PCDHA9: variants seen among roughly 807,000 people sequenced by gnomAD.
PCDHA9 encodes protocadherin alpha 9, also known as protocadherin alpha-9.
PCDHA9 carries 62 observed loss-of-function variants against 62.0 expected under a neutral mutation model. The observed-to-expected ratio is 1.00, with a 90% CI of 0.81 to 1.23. The LOEUF (loss-of-function observed/expected upper bound fraction) is 1.23, where lower values mean the gene tolerates loss of function less well. PCDHA9 is among the 50% of genes most tolerant of loss of function. PCDHA9 has a pLI of 0.00. For missense variants in PCDHA9, 1,205 were observed against 1,249.8 expected (o/e 0.96, Z 0.54); for synonymous variants, 557 against 567.6 (o/e 0.98, Z 0.27).
intron 3 of PCDHA9, among the ~76,000 whole-genome samples, chr5:141,000,006 C>T (rs1453937377): frequency 1.3e-5 from 2 of 151,992 alleles, no homozygotes; most frequent in Admixed American, 1.3e-4. Context: ...TTAGATTGGC[C>T]TCCCCATTGC....
intron 1 of PCDHA9, among the ~76,000 whole-genome samples, chr5:140,963,398 G>C (rs1465736344): frequency 6.6e-6 from 1 of 152,220 alleles, no homozygotes; most frequent in Admixed American, 6.5e-5. Flanking sequence ...CTCCCTACTG[G>C]ATGCTGTAGA....
intron 1 of PCDHA9, among the ~76,000 whole-genome samples, chr5:140,961,952 C>T (rs2095645754): frequency 6.6e-6 from 1 of 151,264 alleles, no homozygotes; most frequent in South Asian, 2.1e-4. Flanking sequence ...GGCATGATCT[C>T]GGCTCACTGC....
intron 1 of PCDHA9, among the ~76,000 whole-genome samples, chr5:140,890,662 C>T (rs75284753): frequency 0.011 from 1,622 of 152,252 alleles, 17 homozygotes; most frequent in African/African-American, 0.028. Flanking sequence ...CAAAAGTTAA[C>T]TGAAACCCTT....
At chr5:140,871,151 C>A in intron 1 of PCDHA9, 1 of 1,613,328 alleles carries the variant, frequency 6.2e-7, no homozygotes, top group Non-Finnish European at 8.5e-7. Flanking sequence ...CGGACTTTGG[C>A]GGGCGCCGCG....
rs2096268798 is a variant in PCDHA9 at position 140,968,765 on chromosome 5, G to A, written c.2395-10184G>A. 8.1e-6 allele frequency: 13 copies of A among 1,614,078 alleles called. No homozygotes were observed. The East Asian group carries it at 2.2e-4, about 28-fold the overall frequency. On this transcript the variant is annotated intron_variant, in intron 1 of 3. Transcript: ENST00000532602. Reference sequence around the variant, plus strand: ...GACCGTGGTGGTCCGAGATAATGGAGAGCCATCACTATCAGCCTCTGTGGC... The same window carrying A: ...GACCGTGGTGGTCCGAGATAATGGAAAGCCATCACTATCAGCCTCTGTGGC...
At chr5:140,870,654 C>A in intron 1 of PCDHA9, 2 of 1,612,562 alleles carry the variant, frequency 1.2e-6, no homozygotes, top group Non-Finnish European at 1.7e-6. Flanking sequence ...GCAAGGTGTA[C>A]GCGCTGCAGC....
At chr5:140,914,439 T>A (rs1352001626) in intron 1 of PCDHA9, among the ~76,000 whole-genome samples, 2 of 152,310 alleles carry the variant, frequency 1.3e-5, no homozygotes, top group South Asian at 2.1e-4. Context: ...TCTTTTCCCA[T>A]GTCTTTATTT....
In PCDHA9 at chr5:140,998,286, A is replaced by G. The variant is rs913397915; in HGVS notation, c.2543-11341A>G. Among the ~76,000 whole-genome samples, 51 of 152,230 alleles carry G rather than the reference A, an allele frequency of 3.4e-4. 1 individual carries two copies. Among genetic ancestry groups the G allele is most frequent in the Non-Finnish European group, 1.5e-5 (1 of 68,044 alleles). On this transcript the variant is annotated intron_variant, in intron 3 of 3. Coordinates refer to ENST00000532602, the MANE Select transcript of PCDHA9 (RefSeq NM_031857.2). ...AAACTGACACCCATAGGATTAAATC[A>G]GATCACACATTTAGTAAGGGCACCA...
At chr5:140,875,772 G>A (rs781933974) in intron 1 of PCDHA9, 37 of 1,614,136 alleles carry the variant, frequency 2.3e-5, no homozygotes, top group South Asian at 3.3e-5. Flanking sequence ...GGCGGAGCGC[G>A]GAGTGCAGTA....
At chr5:140,866,372 A>G (rs1260781135) in intron 1 of PCDHA9, 2 of 152,168 alleles carry the variant, frequency 1.3e-5, no homozygotes, top group Non-Finnish European at 2.9e-5. Flanking sequence ...GCATACTTCA[A>G]TAACAATTTT....
chr5:140,863,936 G>A (rs1554158535), intron 1 of PCDHA9: 2 of 160,752 alleles, frequency 1.2e-5, no homozygotes, highest in African/African-American at 4.8e-5. Context: ...AGGAGGCAGA[G>A]GTTGCGGTGA....
At chr5:140,977,955 C>T (rs1280190913) in intron 1 of PCDHA9, among the ~76,000 whole-genome samples, 1 of 152,170 alleles carries the variant, frequency 6.6e-6, no homozygotes, top group African/African-American at 2.4e-5. Context: ...GACAGGGCCA[C>T]CTCAATCTCC....
In PCDHA9 at chr5:140,992,017, CTGTGTG is replaced by C. The variant is rs10602499; in HGVS notation, c.2542+9486_2542+9491del. On this transcript the variant is annotated intron_variant, in intron 3 of 3. Coordinates refer to ENST00000532602, the MANE Select transcript of PCDHA9 (RefSeq NM_031857.2). ...CTTTCATGTTCAGGCAGAGGTGGCT[CTGTGTG>C]TGTGTGTGTGTGTGTGTGTGTGTGT... 2.1e-3 allele frequency among the ~76,000 whole-genome samples: 300 copies of C among 145,496 alleles called. 2 individuals carry two copies. The highest frequency in any genetic ancestry group is 4.8e-3 in the African/African-American group (189 of 39,270).
At chr5:140,884,230 CG>C in intron 1 of PCDHA9, 2 of 1,613,384 alleles carry the variant, frequency 1.2e-6, no homozygotes, top group Non-Finnish European at 1.7e-6. Flanking sequence ...TGAAGGACCA[CG>C]GTGAGCCCGC....
chr5:140,927,445 T>C (rs2084204838), intron 1 of PCDHA9: 1 of 1,613,580 alleles, frequency 6.2e-7, no homozygotes, highest in Non-Finnish European at 8.5e-7. Context: ...ATACCCGGAG[T>C]TGGTGTTGGA....
chr5:140,957,063 C>T (rs2095330338), intron 1 of PCDHA9, among the ~76,000 whole-genome samples: 2 of 152,058 alleles, frequency 1.3e-5, no homozygotes, highest in African/African-American at 4.8e-5. Flanking sequence ...ATAAATGTGA[C>T]TGAGGGCTTT....
At chr5:140,997,849 T>C (rs1554256029) in intron 3 of PCDHA9, among the ~76,000 whole-genome samples, 1 of 152,208 alleles carries the variant, frequency 6.6e-6, no homozygotes, top group African/African-American at 2.4e-5. Flanking sequence ...TACATTCTTA[T>C]ACATATTTCT....
At chr5:140,942,913 G>T (rs1467978300) in intron 1 of PCDHA9, among the ~76,000 whole-genome samples, 1 of 148,868 alleles carries the variant, frequency 6.7e-6, no homozygotes, top group South Asian at 2.1e-4. Flanking sequence ...TAAGCGTGAA[G>T]AAAAAAAAAA....
In PCDHA9 at chr5:140,851,034, C is replaced by T. The variant is rs2041932722; in HGVS notation, c.2394+145C>T. On this transcript the variant is annotated intron_variant, in intron 1 of 3. Coordinates refer to ENST00000532602, the MANE Select transcript of PCDHA9 (RefSeq NM_031857.2). ...TTTTCTGATAAAGTAAACCCCTTAA[C>T]ATTGGAGCCGACTTTGTCTTGACTT... The T allele has an allele frequency of 3.1e-5, 44 of 1,402,710 alleles. 5 individuals are homozygous for T. Among genetic ancestry groups the T allele is most frequent in the Non-Finnish European group, 4.0e-5 (43 of 1,068,930 alleles). 86.9% of individuals were successfully genotyped at this position (1,402,710 alleles called of 1,614,324 possible).
Sources: allele counts gnomAD v4.1 joint callset (sites outside exome capture counted in the v4.1 genomes callset), GRCh38; gene constraint gnomAD v4.1.1; transcripts MANE v1.5; gene names NCBI Gene and HGNC (gene_info 2026-07-23, HGNC 2026-07-21).